ASB7: variants seen among roughly 807,000 people sequenced by gnomAD.
ASB7 encodes ankyrin repeat and SOCS box protein 7.
ASB7 carries 4 observed loss-of-function variants against 32.5 expected under a neutral mutation model. That is an observed-to-expected ratio of 0.12 (90% CI 0.06 to 0.28). ASB7 has a LOEUF of 0.28. ASB7 is among the 10% of genes least tolerant of loss of function. The pLI is 1.00. For synonymous variants in ASB7, 172 were observed against 155.6 expected (o/e 1.11, Z -0.78); for missense variants, 181 against 407.1 (o/e 0.44, Z 4.78).
In ASB7 at chr15:100,646,034, T is replaced by G. The variant is rs1161730350; in HGVS notation, c.818-2289T>G. Reference sequence around the variant, plus strand: ...TCTGTAGGGACAGTAGACCAGATCCTTAGCATCTTATCTCAGGAGCCACTG... The same window carrying G: ...TCTGTAGGGACAGTAGACCAGATCCGTAGCATCTTATCTCAGGAGCCACTG... On this transcript the variant is annotated intron_variant, in intron 5 of 5. Transcript: ENST00000332783. 6 of 425,622 alleles carry G rather than the reference T, an allele frequency of 1.4e-5. No individual in the cohort carries two copies. In the Admixed American group the frequency reaches 1.6e-4, roughly 11 times the overall value. 26.4% of individuals were successfully genotyped at this position (425,622 alleles called of 1,614,324 possible). A position where few individuals can be genotyped will look rare whatever the true frequency, so the allele number is the denominator to read the frequency against.
At chr15:100,622,575 A>T (rs1234068127) in intron 4 of ASB7, among the ~76,000 whole-genome samples, 1 of 152,250 alleles carries the variant, frequency 6.6e-6, no homozygotes, top group African/African-American at 2.4e-5. Flanking sequence ...GGCTCTAGTA[A>T]CCAAAACAGC....
chr15:100,638,263 C>T (rs1363367857), intron 5 of ASB7: 3 of 152,080 alleles, frequency 2.0e-5, no homozygotes, highest in Admixed American at 2.0e-4. Flanking sequence ...GTGGATAATA[C>T]GAGATGTTAT....
intron 3 of ASB7, among the ~76,000 whole-genome samples, chr15:100,611,245 G>T (rs970254439): frequency 9.9e-5 from 15 of 151,982 alleles, no homozygotes; most frequent in Non-Finnish European, 1.5e-4. Flanking sequence ...TAGAGACAGG[G>T]TCTCACTGTG....
chr15:100,610,216 C>T (rs892498567), intron 3 of ASB7, among the ~76,000 whole-genome samples: 8 of 151,828 alleles, frequency 5.3e-5, no homozygotes, highest in African/African-American at 1.9e-4. Context: ...ATCTTGTGGC[C>T]GGGCGCAGTG....
chr15:100,622,440 A>G lies in ASB7; in HGVS notation c.212-6997A>G, dbSNP rs151167411. Among the ~76,000 whole-genome samples the G allele has an allele frequency of 1.6e-4, 25 of 152,336 alleles. No homozygotes were observed. The East Asian group carries it at 2.1e-3, about 13-fold the overall frequency. On this transcript the variant is annotated intron_variant, in intron 4 of 5. Coordinates refer to ENST00000332783, the MANE Select transcript of ASB7 (RefSeq NM_198243.3). ...TCAAAACACCAACATCAGTTTTTCA[A>G]AGTTAGAAAAAACAATCCTAAAATT...
intron 4 of ASB7, 189 bp downstream of exon 4, chr15:100,612,616 T>C (rs2039707077): frequency 1.6e-6 from 1 of 623,920 alleles, no homozygotes; most frequent in Middle Eastern, 4.3e-4. Context: ...AAAGATCAGT[T>C]TTATGAATGG....
Position 100,612,328 on chromosome 15 carries a change from T to C in ASB7, c.112T>C (p.Tyr38His). ...HTVRKMLEQG[Y>H]SPNGRDANGW... The stretch of plus-strand genomic sequence containing the variant: ...AGTGCGAAAGATGCTAGAACAAGGC[T>C]ATTCCCCGAATGGCCGAGATGCGAA... Residue 38 changes from tyrosine to histidine, a missense_variant, in exon 4 of 6, where the codon TAT becomes CAT. Tyr to His is a moderately conservative substitution (Grantham distance 83). Coordinates refer to ENST00000332783, the MANE Select transcript of ASB7 (RefSeq NM_198243.3). 1.2e-6 allele frequency: 2 copies of C among 1,613,930 alleles called. No homozygotes were observed.
In ASB7 at chr15:100,629,951, A is replaced by C. The variant is rs772410344; in HGVS notation, c.726A>C (p.Thr242=). ...MLYNYGADTN[T]RNYEGQTPLA... ...ATAATTACGGAGCAGACACGAACACACGGAACTATGAAGGACAGACCCCAT... is the reference window on the plus strand; with the variant it reads ...ATAATTACGGAGCAGACACGAACACCCGGAACTATGAAGGACAGACCCCAT... The change falls in exon 5 of 6, where the codon ACA becomes ACC. Residue 242 remains threonine (T), a synonymous_variant. Transcript: ENST00000332783. This position sits in a 1 kb window ranked among gnomAD's most constrained non-coding sequence, Gnocchi z 6.8. 1 of 1,614,202 alleles carries C rather than the reference A, an allele frequency of 6.2e-7. No homozygotes were observed. Among genetic ancestry groups the C allele is most frequent in the South Asian group, 1.1e-5 (1 of 91,080 alleles).
rs759632704 is a variant in ASB7, at chr15:100,629,448, G to A, written c.223G>A (p.Val75Ile). 6.2e-7 allele frequency: 1 copy of A among 1,611,272 alleles called. No homozygotes were observed. The highest frequency in any genetic ancestry group is 1.1e-5 in the South Asian group (1 of 90,992). Residue 75 changes from valine to isoleucine, a missense_variant, in exon 5 of 6, where the codon GTT becomes ATT. Physicochemically the swap from Val to Ile is conservative, Grantham distance 29 (BLOSUM62 3). Coordinates refer to ENST00000332783, the MANE Select transcript of ASB7 (RefSeq NM_198243.3). This position sits in a 1 kb window ranked among gnomAD's most constrained non-coding sequence, Gnocchi z 6.8. ...GGTTTTAACTCCAGCTGATCCTACA[G>A]TTAAAGACTTAATCGGAGGCTTCAC... Reference protein sequence around the residue: ...VFLEHGADPTVKDLIGGFTAL... With the variant: ...VFLEHGADPTIKDLIGGFTAL...
At chr15:100,603,866 A>G (rs909082276) in intron 2 of ASB7, among the ~76,000 whole-genome samples, 1 of 152,224 alleles carries the variant, frequency 6.6e-6, no homozygotes, top group African/African-American at 2.4e-5. Context: ...ATTTCCTACT[A>G]GAAAGCCAAC....
intron 5 of ASB7, among the ~76,000 whole-genome samples, chr15:100,642,617 TCA>T (rs2039968971): frequency 6.6e-6 from 1 of 152,192 alleles, no homozygotes. Flanking sequence ...TCCCAGAGTC[TCA>T]CTCAGTTATC....
At chr15:100,608,553 C>T (rs1320181457) in intron 2 of ASB7, among the ~76,000 whole-genome samples, 6 of 152,194 alleles carry the variant, frequency 3.9e-5, no homozygotes, top group African/African-American at 1.4e-4. Flanking sequence ...ACCTCCCCCA[C>T]CGTGGTGTCT....
At chr15:100,635,093 G>T (rs987359889) in intron 5 of ASB7, among the ~76,000 whole-genome samples, 1 of 152,138 alleles carries the variant, frequency 6.6e-6, no homozygotes, top group African/African-American at 2.4e-5. Flanking sequence ...GTCAAAGGTT[G>T]GTTTGCCCCA....
At chr15:100,628,388 GTGTA>G (rs1046490026) in intron 4 of ASB7, among the ~76,000 whole-genome samples, 3 of 152,294 alleles carry the variant, frequency 2.0e-5, no homozygotes, top group Admixed American at 6.5e-5. Flanking sequence ...GGCTGTGTGT[GTGTA>G]TGTATGTGTA....
chr15:100,651,626 G>A lies in ASB7; in HGVS notation c.*3164G>A, dbSNP rs1367277774. ...AACTCCTAGTGTGTTATATCATAAT[G>A]TATTTTGTTCTTCCTTTTTAATGTA... On this transcript the variant is annotated 3_prime_UTR_variant, in exon 6 of 6. Transcript: ENST00000332783. 1 of 152,158 alleles carries A rather than the reference G, an allele frequency of 6.6e-6. No homozygotes were observed. The highest frequency in any genetic ancestry group is 1.9e-4 in the East Asian group (1 of 5,198). The allele number at this position is 152,158 out of a possible 1,614,324, so 9.4% of individuals were successfully genotyped here. A position where few individuals can be genotyped will look rare whatever the true frequency, so the allele number is the denominator to read the frequency against.
In ASB7 at chr15:100,629,919, A is replaced by C. The variant is rs751294792; in HGVS notation, c.694A>C (p.Met232Leu). The change falls in exon 5 of 6, where the codon ATG (methionine) becomes CTG (leucine). Residue 232 changes from methionine (M) to leucine (L), a missense_variant. By Grantham distance (15) the Met-to-Leu change is conservative (BLOSUM62 2). Coordinates refer to ENST00000332783, the MANE Select transcript of ASB7 (RefSeq NM_198243.3). This position sits in a 1 kb window ranked among gnomAD's most constrained non-coding sequence, Gnocchi z 6.8. Reference protein sequence around the residue: ...ALRDDVLCARMLYNYGADTNT... With the variant: ...ALRDDVLCARLLYNYGADTNT... ...TAGGGATGATGTGCTGTGTGCACGG[A>C]TGTTATATAATTACGGAGCAGACAC... 1 of 1,614,186 alleles carries C rather than the reference A, an allele frequency of 6.2e-7. No homozygotes were observed. Among genetic ancestry groups the C allele is most frequent in the Non-Finnish European group, 8.5e-7 (1 of 1,180,040 alleles).
intron 5 of ASB7, among the ~76,000 whole-genome samples, chr15:100,632,775 CA>C (rs2039893535): frequency 6.8e-6 from 1 of 147,566 alleles, no homozygotes; most frequent in Non-Finnish European, 1.5e-5. Flanking sequence ...TGGAAGAGAC[CA>C]AAAAAATTAT....
chr15:100,638,679 C>G (rs1157897540), intron 5 of ASB7, among the ~76,000 whole-genome samples: 2 of 152,154 alleles, frequency 1.3e-5, no homozygotes, highest in Non-Finnish European at 1.5e-5. Context: ...GACAGAGCAT[C>G]TTTTTAATTA....
At chr15:100,620,824 A>G (rs1423625048) in intron 4 of ASB7, among the ~76,000 whole-genome samples, 1 of 152,260 alleles carries the variant, frequency 6.6e-6, no homozygotes, top group African/African-American at 2.4e-5. Flanking sequence ...GTCTTAGTGC[A>G]TTTATTCATC....
Sources: allele counts gnomAD v4.1 joint callset (sites outside exome capture counted in the v4.1 genomes callset), GRCh38; gene constraint gnomAD v4.1.1; non-coding constraint Gnocchi (gnomAD v3.1); transcripts MANE v1.5; gene names NCBI Gene and HGNC (gene_info 2026-07-23, HGNC 2026-07-21).